The following COMMD1 variants were observed in gnomAD, a reference collection of about 807,000 sequenced individuals.
The protein encoded by COMMD1 is copper metabolism domain containing 1.
Under a neutral mutation model 17.2 loss-of-function variants are expected in COMMD1, and 10 were observed. The observed-to-expected ratio is 0.58, with a 90% confidence interval of 0.36 to 0.99. The LOEUF (loss-of-function observed/expected upper bound fraction) is 0.99, where lower values mean the gene tolerates loss of function less well. Among genes scored for constraint, COMMD1 ranks in the 50% least tolerant of loss-of-function variants. The probability of loss-of-function intolerance (pLI) is 0.01; values close to 1 mark genes in which losing one functional copy is unlikely to be tolerated. For missense variants in COMMD1, 270 were observed against 231.8 expected (o/e 1.17, Z -1.07); for synonymous variants, 97 against 91.6 (o/e 1.06, Z -0.34).
chr2:61,920,977 A>ATGTGTG lies in COMMD1; in HGVS notation c.180+15120_180+15121insGTGTGT, dbSNP rs1176214560. Reference sequence around the variant, plus strand: ...TATATATATGTGTGTATATATATATATATATTTTTTTTTTTTTTGAGACAG... The same window carrying ATGTGTG: ...TATATATATGTGTGTATATATATATATGTGTGTATATTTTTTTTTTTTTTGAGACAG... On this transcript the variant is annotated intron_variant, in intron 1 of 2. Coordinates refer to ENST00000311832, the MANE Select transcript of COMMD1 (RefSeq NM_152516.4). Among the ~76,000 whole-genome samples, 1,213 of 135,236 alleles carry ATGTGTG rather than the reference A, an allele frequency of 9.0e-3. 21 individuals carry two copies. The highest frequency in any genetic ancestry group is 0.034 in the African/African-American group (1,163 of 34,328). 88.7% of individuals were successfully genotyped at this position (135,236 alleles called of 152,430 possible). A position where few individuals can be genotyped will look rare whatever the true frequency, so the allele number is the denominator to read the frequency against.
At chr2:62,087,345 A>G (rs1671699006) in intron 2 of COMMD1, among the ~76,000 whole-genome samples, 1 of 152,238 alleles carries the variant, frequency 6.6e-6, no homozygotes, top group Non-Finnish European at 1.5e-5. Flanking sequence ...TGGAGGGTAG[A>G]TAACAAATCC....
At chr2:62,049,380 G>C (rs1038846404) in intron 2 of COMMD1, among the ~76,000 whole-genome samples, 5 of 151,894 alleles carry the variant, frequency 3.3e-5, no homozygotes, top group Non-Finnish European at 7.4e-5. Context: ...TCTTTTATTA[G>C]ATGAGTGGAT....
chr2:62,044,314 A>G (rs759152787), intron 2 of COMMD1, among the ~76,000 whole-genome samples: 6 of 152,184 alleles, frequency 3.9e-5, no homozygotes, highest in Non-Finnish European at 7.3e-5. Flanking sequence ...TCTTCGTAAC[A>G]TTAGGTTAGA....
intron 2 of COMMD1, among the ~76,000 whole-genome samples, chr2:62,021,922 T>C (rs1236224748): frequency 6.6e-6 from 1 of 152,246 alleles, no homozygotes; most frequent in Non-Finnish European, 1.5e-5. Context: ...TTGTGTTTTC[T>C]TCTGTAGAAT....
chr2:61,990,288 G>A (rs1388001370), intron 1 of COMMD1, among the ~76,000 whole-genome samples: 1 of 152,196 alleles, frequency 6.6e-6, no homozygotes, highest in African/African-American at 2.4e-5. Flanking sequence ...CCATATTGAA[G>A]ACTTAGAATT....
intron 1 of COMMD1, among the ~76,000 whole-genome samples, chr2:61,959,748 C>T (rs147395693): frequency 1.1e-4 from 17 of 152,228 alleles, no homozygotes; most frequent in African/African-American, 1.9e-4. Flanking sequence ...GAATTAACGC[C>T]GTGACAAATG....
intron 1 of COMMD1, among the ~76,000 whole-genome samples, chr2:61,925,529 C>G (rs1044064765): frequency 6.6e-6 from 1 of 152,096 alleles, no homozygotes; most frequent in Non-Finnish European, 1.5e-5. Context: ...ACGACCTCCC[C>G]CTGTGGGGTC....
At position 62,133,055 on chromosome 2, in the gene COMMD1, G is replaced by C. The variant is rs530943447; in HGVS notation, c.463-2776G>C. Among the ~76,000 whole-genome samples the C allele has an allele frequency of 5.9e-5, 9 of 152,214 alleles. No homozygotes were observed. In the South Asian group the frequency reaches 1.9e-3, roughly 32 times the overall value. ...TTGTTTAAACTTGGTTTTTGCTTTG[G>C]ACTAAATGAAAACTTGGCAAAGTTT... On this transcript the variant is annotated intron_variant, in intron 2 of 2. Transcript: ENST00000311832.
chr2:61,966,498 A>G (rs571627105), intron 1 of COMMD1, among the ~76,000 whole-genome samples: 12 of 152,318 alleles, frequency 7.9e-5, no homozygotes, highest in African/African-American at 2.2e-4. Context: ...ATAATAGGAA[A>G]TATGAATTTG....
chr2:62,035,249 G>A (rs1473450120), intron 2 of COMMD1, among the ~76,000 whole-genome samples: 3 of 152,156 alleles, frequency 2.0e-5, no homozygotes, highest in Non-Finnish European at 4.4e-5. Flanking sequence ...TTCTCTAGAA[G>A]TTTTCACAAT....
At chr2:62,131,928 G>A (rs1673047230) in intron 2 of COMMD1, among the ~76,000 whole-genome samples, 1 of 149,602 alleles carries the variant, frequency 6.7e-6, no homozygotes. Context: ...TCGCTCTGTT[G>A]CCCAGGCTGG....
chr2:61,892,685 ACT>A (rs1265487689), intron 1 of COMMD1, among the ~76,000 whole-genome samples: 2 of 145,830 alleles, frequency 1.4e-5, no homozygotes, highest in African/African-American at 2.6e-5. Flanking sequence ...CAAGAGGGAA[ACT>A]CTGTCTCAAA....
chr2:62,133,204 T>C (rs908573851), intron 2 of COMMD1, among the ~76,000 whole-genome samples: 2 of 152,220 alleles, frequency 1.3e-5, no homozygotes, highest in Non-Finnish European at 2.9e-5. Context: ...AGGCCCCTTC[T>C]TTCCCTTTGT....
At chr2:61,966,165 G>A (rs1263644481) in intron 1 of COMMD1, among the ~76,000 whole-genome samples, 1 of 152,170 alleles carries the variant, frequency 6.6e-6, no homozygotes, top group African/African-American at 2.4e-5. Context: ...AATACACTGT[G>A]TACTCTTTTT....
At chr2:61,992,039 A>T (rs966791736) in intron 1 of COMMD1, among the ~76,000 whole-genome samples, 3 of 152,230 alleles carry the variant, frequency 2.0e-5, no homozygotes, top group African/African-American at 7.2e-5. Context: ...TCTAAACATG[A>T]TTTGAAATAT....
intron 2 of COMMD1, among the ~76,000 whole-genome samples, chr2:62,051,959 G>A (rs536461490): frequency 7.9e-5 from 12 of 152,210 alleles, no homozygotes; most frequent in Middle Eastern, 3.4e-3. Flanking sequence ...ACATTATATT[G>A]GAAGAATAGT....
intron 1 of COMMD1, among the ~76,000 whole-genome samples, chr2:61,899,232 T>A (rs958165899): frequency 6.6e-6 from 1 of 152,148 alleles, no homozygotes; most frequent in Non-Finnish European, 1.5e-5. Flanking sequence ...AAAACCCCCA[T>A]ATGGAAGATG....
At chr2:62,048,913 C>G (rs557433022) in intron 2 of COMMD1, among the ~76,000 whole-genome samples, 2 of 152,202 alleles carry the variant, frequency 1.3e-5, no homozygotes, top group African/African-American at 2.4e-5. Flanking sequence ...CCCTTCTTCC[C>G]TTTACTGTGC....
chr2:61,894,881 A>G (rs1669521293), intron 1 of COMMD1, among the ~76,000 whole-genome samples: 1 of 151,978 alleles, frequency 6.6e-6, no homozygotes, highest in Admixed American at 6.6e-5. Flanking sequence ...TATTTTTAGT[A>G]GAGGCAGGGT....
Sources: gnomAD v4.1 joint callset for allele counts (sites outside exome capture counted in the v4.1 genomes callset) on GRCh38, gnomAD v4.1.1 for gene constraint, MANE v1.5 for transcripts, NCBI Gene and HGNC (gene_info 2026-07-23, HGNC 2026-07-21) for gene names.